CENPF: variants seen among roughly 807,000 people sequenced by gnomAD.
The protein encoded by CENPF is AH antigen.
CENPF carries 214 observed loss-of-function variants against 307.3 expected under a neutral mutation model. That is an observed-to-expected ratio of 0.70 (90% CI 0.62 to 0.78). CENPF has a LOEUF of 0.78. Among genes scored for constraint, CENPF ranks in the 30% least tolerant of loss-of-function variants. The probability of loss-of-function intolerance (pLI) is 0.00; values close to 1 mark genes in which losing one functional copy is unlikely to be tolerated. For missense variants in CENPF, 3,401 were observed against 3,483.9 expected (o/e 0.98, Z 0.60); for synonymous variants, 1,259 against 1,270.6 (o/e 0.99, Z 0.19).
At chr1:214,616,089 T>A (rs1353249903) in intron 3 of CENPF, among the ~76,000 whole-genome samples, 1 of 152,188 alleles carries the variant, frequency 6.6e-6, no homozygotes, top group African/African-American at 2.4e-5. Flanking sequence ...TTTGGAATGT[T>A]TGTTAAAACT....
At chr1:214,653,835 A>G (rs1218342595) in intron 16 of CENPF, 1 of 152,224 alleles carries the variant, frequency 6.6e-6, no homozygotes, top group Non-Finnish European at 1.5e-5. Context: ...TTCTGCTGCT[A>G]CAAAATGAGA....
intron 10 of CENPF, among the ~76,000 whole-genome samples, chr1:214,633,842 C>T (rs1177408340): frequency 6.6e-6 from 1 of 152,228 alleles, no homozygotes; most frequent in African/African-American, 2.4e-5. Context: ...CCAGTGGGGA[C>T]CAACCAACAG....
At chr1:214,606,243 C>T (rs1558166169) in intron 1 of CENPF, among the ~76,000 whole-genome samples, 1 of 152,210 alleles carries the variant, frequency 6.6e-6, no homozygotes, top group Non-Finnish European at 1.5e-5. Flanking sequence ...GGGCCACCCC[C>T]AGCCCTCAAC....
At chr1:214,611,500 G>C (rs1355453138) in intron 1 of CENPF, among the ~76,000 whole-genome samples, 2 of 152,056 alleles carry the variant, frequency 1.3e-5, no homozygotes, top group Admixed American at 6.6e-5. Context: ...TGAGTAGCTG[G>C]GATTACAGGC....
chr1:214,645,383 A>G lies in CENPF; in HGVS notation c.5813A>G (p.Asp1938Gly). 6.2e-7 allele frequency: 1 copy of G among 1,614,182 alleles called. No homozygotes were observed. Among genetic ancestry groups the G allele is most frequent in the East Asian group, 2.2e-5 (1 of 44,880 alleles). ...ACAGAGAAGCTATGTTTAGAAAAAG[A>G]CAATGAAAATAAGCAGAAGGTTATT... ...VQTEKLCLEK[D>G]NENKQKVIVC... The change falls in exon 13 of 20, where the codon GAC becomes GGC. Residue 1938 changes from aspartate to glycine, a missense_variant. By Grantham distance (94) the Asp-to-Gly change is moderately conservative (BLOSUM62 -1). Transcript: ENST00000366955.
chr1:214,608,793 C>T (rs1170435514), intron 1 of CENPF: 13 of 1,599,748 alleles, frequency 8.1e-6, no homozygotes, highest in Admixed American at 1.7e-5. Flanking sequence ...CGGGGCAGGG[C>T]GGGCAGCAGA....
chr1:214,637,258 A>G (rs769383144), intron 10 of CENPF, among the ~76,000 whole-genome samples: 1 of 152,216 alleles, frequency 6.6e-6, no homozygotes, highest in South Asian at 2.1e-4. Context: ...TTAGTATCAC[A>G]TCTTCCCCCA....
At chr1:214,625,219 C>A (rs1657619086) in intron 7 of CENPF, among the ~76,000 whole-genome samples, 1 of 152,006 alleles carries the variant, frequency 6.6e-6, no homozygotes, top group Non-Finnish European at 1.5e-5. Flanking sequence ...CTTTCACTAT[C>A]TGTCTTTTTT....
Position 214,644,621 on chromosome 1 carries a change from G to C in CENPF, c.5051G>C (p.Arg1684Thr). The C allele has an allele frequency of 6.2e-7, 1 of 1,613,704 alleles. No individual in the cohort carries two copies. Among genetic ancestry groups the C allele is most frequent in the Non-Finnish European group, 8.5e-7 (1 of 1,179,850 alleles). ...GAACATACTTCAGAAACTACAGAAAGAACACCAAAGCATGATGTTCATCAG... is the reference window on the plus strand; with the variant it reads ...GAACATACTTCAGAAACTACAGAAACAACACCAAAGCATGATGTTCATCAG... ...SKEHTSETTE[R>T]TPKHDVHQIC... Residue 1684 changes from arginine (R) to threonine (T), a missense_variant, in exon 13 of 20, where the codon AGA becomes ACA. By Grantham distance (71) the Arg-to-Thr change is moderately conservative (BLOSUM62 -1). Transcript: ENST00000366955.
chr1:214,635,621 A>G (rs1657941432), intron 10 of CENPF, among the ~76,000 whole-genome samples: 2 of 152,152 alleles, frequency 1.3e-5, no homozygotes, highest in South Asian at 4.1e-4. Context: ...TCAGATGTTC[A>G]TTTTCTAAAT....
intron 1 of CENPF, among the ~76,000 whole-genome samples, chr1:214,610,700 T>C (rs955673109): frequency 2.6e-5 from 4 of 152,222 alleles, no homozygotes; most frequent in Non-Finnish European, 1.5e-5. Context: ...AGATCTCATT[T>C]GTCAATTTTT....
At chr1:214,632,425 T>G in intron 9 of CENPF, 55 bp from the exon 10 acceptor site, 1 of 1,575,370 alleles carries the variant, frequency 6.3e-7, no homozygotes, top group South Asian at 1.2e-5. Flanking sequence ...AATACATGAT[T>G]AATGAAAAAG....
intron 10 of CENPF, among the ~76,000 whole-genome samples, chr1:214,636,208 C>T (rs1458050585): frequency 6.6e-6 from 1 of 152,194 alleles, no homozygotes; most frequent in African/African-American, 2.4e-5. Flanking sequence ...TGTCCTTTCA[C>T]ATCTGTGATC....
intron 10 of CENPF, among the ~76,000 whole-genome samples, chr1:214,634,312 GTT>G (rs1185636664): frequency 2.0e-5 from 3 of 152,210 alleles, no homozygotes; most frequent in African/African-American, 7.2e-5. Context: ...ATTTCAAAGA[GTT>G]TGGCTGGCTC....
intron 2 of CENPF, among the ~76,000 whole-genome samples, chr1:214,614,239 G>A (rs938201691): frequency 3.3e-5 from 5 of 151,810 alleles, no homozygotes; most frequent in African/African-American, 1.2e-4. Context: ...ACCATGAATT[G>A]GAGATTGCTT....
chr1:214,629,241 T>C (rs906188073), intron 8 of CENPF, 70 bp downstream of exon 8: 20 of 1,405,860 alleles, frequency 1.4e-5, no homozygotes, highest in Middle Eastern at 3.9e-4. Context: ...TTTGATCACT[T>C]GGAAAGGGGA....
rs376822086 is a variant in CENPF at position 214,658,895 on chromosome 1, G to A, written c.9008G>A (p.Arg3003Gln). The stretch of plus-strand genomic sequence containing the variant: ...GGAAAGACTAGCCCATATATCCTGC[G>A]AAGAACAACCATGGCAACTCGGACC... ...PTGKTSPYIL[R>Q]RTTMATRTSP... Residue 3003 changes from arginine (R) to glutamine (Q), a missense_variant, in exon 19 of 20, where the codon CGA (arginine) becomes CAA (glutamine). By Grantham distance (43) the Arg-to-Gln change is conservative (BLOSUM62 1). Coordinates refer to ENST00000366955, the MANE Select transcript of CENPF (RefSeq NM_016343.4). 5.0e-6 allele frequency: 8 copies of A among 1,613,890 alleles called. No homozygotes were observed. The African/African-American group carries it at 5.3e-5, about 11-fold the overall frequency.
chr1:214,613,695 G>A lies in CENPF; in HGVS notation c.-41-19G>A, dbSNP rs1657258323. 16 of 1,482,814 alleles carry A rather than the reference G, an allele frequency of 1.1e-5. No individual in the cohort carries two copies. In the South Asian group the frequency reaches 2.1e-4, roughly 19 times the overall value. The allele number at this position is 1,482,814 out of a possible 1,614,324, so 91.9% of individuals were successfully genotyped here. A position where few individuals can be genotyped will look rare whatever the true frequency, so the allele number is the denominator to read the frequency against. Reference sequence around the variant, plus strand: ...TCCTTTTACTGTGGTAAGACCAACAGTCTGGTTATTCTTTTCAGTTTATTT... The same window carrying A: ...TCCTTTTACTGTGGTAAGACCAACAATCTGGTTATTCTTTTCAGTTTATTT... On this transcript the variant is annotated intron_variant, in intron 1 of 19. Transcript: ENST00000366955.
Position 214,645,524 on chromosome 1 carries a change from A to G in CENPF, c.5954A>G (p.Lys1985Arg), listed in dbSNP as rs756729873. 1.9e-6 allele frequency: 3 copies of G among 1,614,170 alleles called. No homozygotes were observed. The highest frequency in any genetic ancestry group is 1.7e-6 in the Non-Finnish European group (2 of 1,180,024). The change falls in exon 13 of 20, where the codon AAG becomes AGG. Residue 1985 changes from lysine to arginine, a missense_variant. Coordinates refer to ENST00000366955, the MANE Select transcript of CENPF (RefSeq NM_016343.4). ...CTGGATCAGTTGTCTGAAAAAATGAAGGAGAAAACACAAGAGCTTGAGTCT... is the reference window on the plus strand; with the variant it reads ...CTGGATCAGTTGTCTGAAAAAATGAGGGAGAAAACACAAGAGCTTGAGTCT... ...TALDQLSEKM[K>R]EKTQELESHQ... is the part of the protein sequence containing the mutation.
Sources: gnomAD v4.1 joint callset for allele counts (sites outside exome capture counted in the v4.1 genomes callset) on GRCh38, gnomAD v4.1.1 for gene constraint, MANE v1.5 for transcripts, NCBI Gene and HGNC (gene_info 2026-07-23, HGNC 2026-07-21) for gene names.